GALNT2: variants seen among roughly 807,000 people sequenced by gnomAD.
The protein encoded by GALNT2 is polypeptide N-acetylgalactosaminyltransferase 2, also known as UDP-GalNAc:polypeptide N-acetylgalactosaminyltransferase 2.
A neutral mutation model predicts 81.4 loss-of-function variants in GALNT2; 31 were observed. The observed-to-expected ratio is 0.38, with a 90% CI of 0.29 to 0.51. The LOEUF (loss-of-function observed/expected upper bound fraction) is 0.51. Ranked by LOEUF, GALNT2 falls within the 20% of genes least tolerant of loss-of-function variation. The pLI, the probability that GALNT2 is intolerant of heterozygous loss-of-function variation, is 0.87. For synonymous variants in GALNT2, 303 were observed against 287.4 expected, an observed-to-expected ratio of 1.05 and a Z score of -0.55; for missense variants, 629 against 765.7, an observed-to-expected ratio of 0.82 and a Z score of 2.11.
chr1:230,250,629 G>A (rs1665516159), intron 10 of GALNT2, 69 bp downstream of exon 10: 1 of 1,212,430 alleles, frequency 8.2e-7, no homozygotes, highest in Non-Finnish European at 1.2e-6. Context: ...GTGCCAATTG[G>A]AAAAAAAATT....
intron 3 of GALNT2, among the ~76,000 whole-genome samples, chr1:230,205,662 T>G (rs1664037620): frequency 6.6e-6 from 1 of 152,090 alleles, no homozygotes; most frequent in Non-Finnish European, 1.5e-5. Flanking sequence ...GTTGTGAAAG[T>G]GTTGAGGCCG....
intron 3 of GALNT2, among the ~76,000 whole-genome samples, chr1:230,227,562 C>CATATAT (rs574499167): frequency 1.4e-5 from 2 of 146,022 alleles, no homozygotes; most frequent in Non-Finnish European, 3.0e-5. Context: ...ATAATACAGC[C>CATATAT]ATATATATAT....
chr1:230,265,124 C>T, intron 13 of GALNT2, 117 bp from the exon 14 acceptor site: 1 of 1,364,380 alleles, frequency 7.3e-7, no homozygotes, highest in East Asian at 2.3e-5. Flanking sequence ...GATGCCTAGT[C>T]ACTGGGTCTT....
Position 230,193,086 on chromosome 1 carries a change from C to T in GALNT2, c.221-10051C>T, listed in dbSNP as rs1419885199. On this transcript the variant is annotated intron_variant, in intron 2 of 15. Transcript: ENST00000366672. The surrounding 1 kb of genome is among the most constrained non-coding windows in gnomAD (Gnocchi z 4.3). Reference sequence around the variant, plus strand: ...AGATCAACCAAATAAATCTGAGAGCCTTGTCCTTTGATATTAAATACATTC... The same window carrying T: ...AGATCAACCAAATAAATCTGAGAGCTTTGTCCTTTGATATTAAATACATTC... Among the ~76,000 whole-genome samples the T allele has an allele frequency of 6.6e-6, 1 of 152,154 alleles. No individual in the cohort carries two copies. Among genetic ancestry groups the T allele is most frequent in the Non-Finnish European group, 1.5e-5 (1 of 68,040 alleles).
Position 230,255,323 on chromosome 1 carries a change from G to T in GALNT2, c.1115G>T (p.Gly372Val). 6.2e-7 allele frequency: 1 copy of T among 1,614,246 alleles called. No individual in the cohort carries two copies. The change falls in exon 11 of 16, where the codon GGC becomes GTC. Residue 372 changes from glycine to valine, a missense_variant. Transcript: ENST00000366672. ...RKQHPYTFPG[G>V]SGTVFARNTR... ...CAGCACCCCTACACGTTCCCGGGTG[G>T]CAGTGGCACTGTCTTTGCCCGGTAA...
chr1:230,160,999 A>G (rs1662415261), intron 1 of GALNT2, among the ~76,000 whole-genome samples: 1 of 152,058 alleles, frequency 6.6e-6, no homozygotes, highest in Non-Finnish European at 1.5e-5. Flanking sequence ...CTTCCTATCT[A>G]TTGTGAAGTT....
intron 3 of GALNT2, among the ~76,000 whole-genome samples, chr1:230,213,096 G>C (rs1005672195): frequency 6.6e-6 from 1 of 152,206 alleles, no homozygotes; most frequent in African/African-American, 2.4e-5. Flanking sequence ...TATGGTTTGG[G>C]CAAAAGCACA....
intron 1 of GALNT2, among the ~76,000 whole-genome samples, chr1:230,107,828 T>A (rs1660587221): frequency 6.6e-6 from 1 of 152,204 alleles, no homozygotes; most frequent in South Asian, 2.1e-4. Context: ...GTCAAGGGAC[T>A]GCTAAGACTT....
At chr1:230,217,418 G>A (rs1205988064) in intron 3 of GALNT2, among the ~76,000 whole-genome samples, 5 of 152,206 alleles carry the variant, frequency 3.3e-5, no homozygotes, top group African/African-American at 1.2e-4. Context: ...CTAAAGGACA[G>A]CAGGAAGCCA....
chr1:230,201,867 T>C (rs1663903598), intron 2 of GALNT2, among the ~76,000 whole-genome samples: 1 of 152,190 alleles, frequency 6.6e-6, no homozygotes, highest in Admixed American at 6.5e-5. Flanking sequence ...CAAAATCATC[T>C]TGCTAGGCCT....
chr1:230,108,753 C>T (rs1002149212), intron 1 of GALNT2, among the ~76,000 whole-genome samples: 1 of 152,222 alleles, frequency 6.6e-6, no homozygotes, highest in Non-Finnish European at 1.5e-5. Flanking sequence ...GCACCGCACA[C>T]TGTAGGGTAT....
chr1:230,086,890 A>G (rs766863865), intron 1 of GALNT2, among the ~76,000 whole-genome samples: 3 of 152,118 alleles, frequency 2.0e-5, no homozygotes, highest in Non-Finnish European at 4.4e-5. Context: ...CCTGCCACTT[A>G]CCTGTGTGCC....
intron 1 of GALNT2, among the ~76,000 whole-genome samples, chr1:230,146,355 C>A (rs1334899456): frequency 6.6e-6 from 1 of 152,204 alleles, no homozygotes; most frequent in African/African-American, 2.4e-5. Context: ...CACCCCTCTT[C>A]CTCTTTCAGT....
intron 3 of GALNT2, among the ~76,000 whole-genome samples, chr1:230,229,148 A>T (rs1664800183): frequency 6.6e-6 from 1 of 152,240 alleles, no homozygotes; most frequent in Non-Finnish European, 1.5e-5. Flanking sequence ...GACAAAAAGC[A>T]TCATAAACAA....
At chr1:230,098,693 G>A (rs1055482867) in intron 1 of GALNT2, among the ~76,000 whole-genome samples, 1 of 152,110 alleles carries the variant, frequency 6.6e-6, no homozygotes, top group Non-Finnish European at 1.5e-5. Context: ...AAGGTTGTTT[G>A]ATCTGAGGGC....
Position 230,236,021 on chromosome 1 carries a change from C to G in GALNT2, c.382C>G (p.Arg128Gly). The change falls in exon 4 of 16, where the codon CGG becomes GGG. Residue 128 changes from arginine to glycine, a missense_variant. By Grantham distance (125) the Arg-to-Gly change is moderately radical (BLOSUM62 -2). This residue lies in a region of GALNT2 where 360 missense variants were observed against 492.8 expected (regional missense o/e 0.73). Coordinates refer to ENST00000366672, the MANE Select transcript of GALNT2 (RefSeq NM_004481.5). ...ATCTTTCTCTTCCTGCAGGTGTCAG[C>G]GGAAGCAGTGGCGGGTGGATCTGCC... ...IPDTRHDQCQ[R>G]KQWRVDLPAT... 6.2e-7 allele frequency: 1 copy of G among 1,613,960 alleles called. No homozygotes were observed. Among genetic ancestry groups the G allele is most frequent in the Non-Finnish European group, 8.5e-7 (1 of 1,179,936 alleles).
At chr1:230,267,249 A>C (rs4846850) in intron 14 of GALNT2, among the ~76,000 whole-genome samples, 3 of 151,988 alleles carry the variant, frequency 2.0e-5, no homozygotes, top group African/African-American at 7.2e-5. Context: ...TTTACTTGGC[A>C]GTACTATTTT....
At chr1:230,059,857 C>T (rs202098610) in intron 1 of GALNT2, among the ~76,000 whole-genome samples, 2 of 152,252 alleles carry the variant, frequency 1.3e-5, no homozygotes, top group East Asian at 3.9e-4. Context: ...CCCCTTAACC[C>T]TTGATACTTT....
At chr1:230,069,947 GA>G (rs908432877) in intron 1 of GALNT2, among the ~76,000 whole-genome samples, 46 of 152,330 alleles carry the variant, frequency 3.0e-4, no homozygotes, top group African/African-American at 9.4e-4. Flanking sequence ...GGGATCGTCT[GA>G]GGGGAGTCCA....
Sources: allele counts gnomAD v4.1 joint callset (sites outside exome capture counted in the v4.1 genomes callset), GRCh38; gene constraint gnomAD v4.1.1; regional missense constraint gnomAD v4.1.1; non-coding constraint Gnocchi (gnomAD v3.1); transcripts MANE v1.5; gene names NCBI Gene and HGNC (gene_info 2026-07-23, HGNC 2026-07-21).